Variants in OSBPL1A observed in about 807,000 individuals in gnomAD.
OSBPL1A encodes the protein oxysterol binding protein like 1A, also known as oxysterol-binding protein-related protein 1.
A neutral mutation model predicts 137.1 loss-of-function variants in OSBPL1A; 80 were observed. The ratio of observed to expected loss-of-function variants is 0.58; its 90% CI spans 0.49 to 0.70. The LOEUF (loss-of-function observed/expected upper bound fraction) is 0.70. Ranked by LOEUF, OSBPL1A falls within the 30% of genes least tolerant of loss-of-function variation. OSBPL1A has a pLI of 0.00. For synonymous variants in OSBPL1A, 365 were observed against 389.7 expected (o/e 0.94, Z 0.75); for missense variants, 970 against 1,129.4 (o/e 0.86, Z 2.02).
chr18:24,199,424 T>A (rs1225037384), intron 17 of OSBPL1A, among the ~76,000 whole-genome samples: 1 of 151,972 alleles, frequency 6.6e-6, no homozygotes, highest in Non-Finnish European at 1.5e-5. Context: ...GCCTGCTTCA[T>A]CTTCCCCCTC....
At chr18:24,325,042 C>A (rs1333547217) in intron 7 of OSBPL1A, among the ~76,000 whole-genome samples, 2 of 151,774 alleles carry the variant, frequency 1.3e-5, no homozygotes, top group East Asian at 1.9e-4. Context: ...GCCGAGATTG[C>A]GCCACTGCAC....
At chr18:24,206,254 T>C (rs1266358837) in intron 17 of OSBPL1A, among the ~76,000 whole-genome samples, 1 of 152,026 alleles carries the variant, frequency 6.6e-6, no homozygotes, top group African/African-American at 2.4e-5. Flanking sequence ...CAGATACAGG[T>C]ACAAATGGAA....
intron 19 of OSBPL1A, 72 bp downstream of exon 19, chr18:24,181,073 C>T (rs1376067863): frequency 1.8e-5 from 27 of 1,507,918 alleles, no homozygotes; most frequent in African/African-American, 2.8e-5. Flanking sequence ...ATTGTGTGAA[C>T]GTGTGTGTGT....
At chr18:24,276,851 A>C (rs570824687) in intron 15 of OSBPL1A, among the ~76,000 whole-genome samples, 1 of 152,348 alleles carries the variant, frequency 6.6e-6, no homozygotes, top group South Asian at 2.1e-4. Flanking sequence ...ACATCCTCAA[A>C]TAAGCAAAAA....
intron 1 of OSBPL1A, among the ~76,000 whole-genome samples, chr18:24,384,266 T>C (rs115420488): frequency 0.01 from 1,579 of 152,258 alleles, 31 homozygotes; most frequent in African/African-American, 0.036. Context: ...GAAACAGAGA[T>C]GAAGATGTTC....
intron 1 of OSBPL1A, among the ~76,000 whole-genome samples, chr18:24,382,204 T>C (rs1599736671): frequency 7.5e-6 from 1 of 133,000 alleles, no homozygotes; most frequent in Non-Finnish European, 1.6e-5. Context: ...TTCGAGACCA[T>C]CCTGGCCAAC....
chr18:24,184,318 G>A (rs2086687361), intron 18 of OSBPL1A, among the ~76,000 whole-genome samples: 1 of 152,130 alleles, frequency 6.6e-6, no homozygotes, highest in Non-Finnish European at 1.5e-5. Flanking sequence ...GCTAAAAGAG[G>A]TGTATTATTC....
intron 14 of OSBPL1A, among the ~76,000 whole-genome samples, chr18:24,284,013 C>T (rs374811882): frequency 6.6e-5 from 10 of 151,898 alleles, no homozygotes; most frequent in African/African-American, 2.2e-4. Context: ...ATTGAGAGAG[C>T]GTCGAATTCT....
chr18:24,331,001 A>G, intron 7 of OSBPL1A, among the ~76,000 whole-genome samples: 1 of 151,454 alleles, frequency 6.6e-6, no homozygotes, highest in East Asian at 2.0e-4. Context: ...CACCATGTTG[A>G]CCAGGATGGT....
chr18:24,290,960 C>T lies in OSBPL1A; in HGVS notation c.1175-10012G>A, dbSNP rs533140446. ...CTTGTAGCATGCCTAGATATGAAAT[C>T]CAAATTTAAAACTAGTAGCCCAGAA... On this transcript the variant is annotated intron_variant, in intron 14 of 27. Transcript: ENST00000319481. 2.0e-4 allele frequency among the ~76,000 whole-genome samples: 31 copies of T among 152,202 alleles called. 1 individual carries two copies. In the South Asian group the frequency reaches 5.8e-3, roughly 29 times the overall value.
chr18:24,356,761 C>T (rs548802111), intron 4 of OSBPL1A, among the ~76,000 whole-genome samples: 2 of 152,260 alleles, frequency 1.3e-5, no homozygotes, highest in Admixed American at 1.3e-4. Context: ...CAGTGCCACC[C>T]TTAAAAACCT....
At chr18:24,175,781 A>T (rs1452892202) in intron 21 of OSBPL1A, among the ~76,000 whole-genome samples, 1 of 152,150 alleles carries the variant, frequency 6.6e-6, no homozygotes, top group Non-Finnish European at 1.5e-5. Context: ...ATTTTACGTA[A>T]ATGATCTATT....
intron 4 of OSBPL1A, among the ~76,000 whole-genome samples, chr18:24,343,564 A>G (rs989631299): frequency 1.3e-5 from 2 of 152,236 alleles, no homozygotes; most frequent in African/African-American, 4.8e-5. Context: ...CTTGACTTCA[A>G]AACTAACTAC....
intron 15 of OSBPL1A, among the ~76,000 whole-genome samples, chr18:24,279,698 C>A (rs2089919241): frequency 6.6e-6 from 1 of 151,984 alleles, no homozygotes; most frequent in South Asian, 2.1e-4. Context: ...ACATTGAAAT[C>A]ATAAAAATTA....
intron 7 of OSBPL1A, among the ~76,000 whole-genome samples, chr18:24,324,785 TAAA>T (rs1426860005): frequency 2.1e-5 from 2 of 95,018 alleles, no homozygotes; most frequent in Admixed American, 1.2e-4. Context: ...CTCTGTCTAT[TAAA>T]AAAAAAAAAA....
rs925153291 is a variant in OSBPL1A, at chr18:24,175,131, T to C, written c.2094-2648A>G. Among the ~76,000 whole-genome samples, 177 of 124,470 alleles carry C rather than the reference T, an allele frequency of 1.4e-3. 3 individuals are homozygous for C. Among genetic ancestry groups the C allele is most frequent in the East Asian group, 3.7e-3 (17 of 4,650 alleles). 81.7% of individuals were successfully genotyped at this position (124,470 alleles called of 152,430 possible). ...ATGTATATATATATATATATATATA[T>C]ATATACACATATATATATATATATG... On this transcript the variant is annotated intron_variant, in intron 21 of 27. Transcript: ENST00000319481.
chr18:24,385,401 T>C (rs966838424), intron 1 of OSBPL1A, among the ~76,000 whole-genome samples: 2 of 152,128 alleles, frequency 1.3e-5, no homozygotes, highest in African/African-American at 2.4e-5. Context: ...TAAAAATAAA[T>C]AAATAATAAA....
chr18:24,225,638 A>AG (rs1192662176), intron 16 of OSBPL1A, among the ~76,000 whole-genome samples: 76 of 152,278 alleles, frequency 5.0e-4, no homozygotes, highest in African/African-American at 1.8e-3. Context: ...TACATCCAAT[A>AG]CTGTAGACAT....
At chr18:24,306,022 T>G (rs2090494240) in intron 13 of OSBPL1A, among the ~76,000 whole-genome samples, 1 of 152,238 alleles carries the variant, frequency 6.6e-6, no homozygotes, top group South Asian at 2.1e-4. Flanking sequence ...GAGAACGAAC[T>G]AATACAGGGA....
Sources: allele counts gnomAD v4.1 joint callset (sites outside exome capture counted in the v4.1 genomes callset), GRCh38; gene constraint gnomAD v4.1.1; transcripts MANE v1.5; gene names NCBI Gene and HGNC (gene_info 2026-07-23, HGNC 2026-07-21).